LDHA: variants seen among roughly 807,000 people sequenced by gnomAD.
The protein encoded by LDHA is lactate dehydrogenase A.
Under a neutral mutation model 36.3 loss-of-function variants are expected in LDHA, and 10 were observed. The ratio of observed to expected loss-of-function variants is 0.28; its 90% CI spans 0.17 to 0.47. LDHA has a LOEUF of 0.47. Among genes scored for constraint, LDHA ranks in the 20% least tolerant of loss-of-function variants. The probability of loss-of-function intolerance (pLI) is 0.99; values close to 1 mark genes in which losing one functional copy is unlikely to be tolerated. For missense variants in LDHA, 267 were observed against 405.8 expected, an observed-to-expected ratio of 0.66 and a Z score of 2.94; for synonymous variants, 110 against 136.7, an observed-to-expected ratio of 0.80 and a Z score of 1.36.
At chr11:18,404,818 G>C (rs369572326) in intron 6 of LDHA, among the ~76,000 whole-genome samples, 1 of 79,322 alleles carries the variant, frequency 1.3e-5, no homozygotes, top group Non-Finnish European at 3.1e-5. Flanking sequence ...AAAAAAAAAA[G>C]AATCATAATC....
rs1159427443 is a variant in LDHA at position 18,407,453 on chromosome 11, C to T, written c.*172C>T. 3.1e-6 allele frequency: 4 copies of T among 1,293,934 alleles called. No individual in the cohort carries two copies. The highest frequency in any genetic ancestry group is 2.0e-5 in the Admixed American group (1 of 50,720). 80.2% of individuals were successfully genotyped at this position (1,293,934 alleles called of 1,614,324 possible). On this transcript the variant is annotated 3_prime_UTR_variant, in exon 8 of 8. Coordinates refer to ENST00000422447, the MANE Select transcript of LDHA (RefSeq NM_005566.4). ...AAATAAGAATGGTTTGTAAAATCCA[C>T]AGCTATATCCTGATGCTGGATGGTA...
intron 2 of LDHA, 70 bp downstream of exon 2, chr11:18,397,038 G>C (rs1866329281): frequency 7.5e-7 from 1 of 1,332,718 alleles, no homozygotes; most frequent in Non-Finnish European, 1.1e-6. Flanking sequence ...CCTACCCCTA[G>C]AACTGTATTA....
Position 18,408,354 on chromosome 11 carries a change from A to C in LDHA, c.*1073A>C. 2.7e-6 allele frequency: 1 copy of C among 364,620 alleles called. No individual in the cohort carries two copies. Among genetic ancestry groups the C allele is most frequent in the Non-Finnish European group, 5.3e-6 (1 of 187,654 alleles). 22.6% of individuals were successfully genotyped at this position (364,620 alleles called of 1,614,324 possible). The stretch of plus-strand genomic sequence containing the variant: ...TAAAAAAACAAAACAAAACCAAAAA[A>C]AACAAGTAACCTTGGTGGATGTCTA... On this transcript the variant is annotated 3_prime_UTR_variant, in exon 8 of 8. Transcript: ENST00000422447.
At chr11:18,396,211 G>GCTGTAATGCGCATGCGCA in intron 1 of LDHA, 1 of 266,348 alleles carries the variant, frequency 3.8e-6, no homozygotes, top group Non-Finnish European at 7.0e-6. Flanking sequence ...CGCCCTGCGC[G>GCTGTAATGCGCATGCGCA]CTGTAATGCG....
At chr11:18,397,628 G>A (rs759492676) in intron 2 of LDHA, among the ~76,000 whole-genome samples, 6 of 152,106 alleles carry the variant, frequency 3.9e-5, no homozygotes, top group East Asian at 3.9e-4. Context: ...TGGCTAACAC[G>A]ATGAAACCCC....
At position 18,407,632 on chromosome 11, in the gene LDHA, C is replaced by A; in HGVS notation, c.*351C>A. 3.3e-6 allele frequency: 2 copies of A among 613,922 alleles called. No homozygotes were observed. Among genetic ancestry groups the A allele is most frequent in the Middle Eastern group, 4.4e-4 (1 of 2,280 alleles). 38.0% of individuals were successfully genotyped at this position (613,922 alleles called of 1,614,324 possible). A position where few individuals can be genotyped will look rare whatever the true frequency, so the allele number is the denominator to read the frequency against. On this transcript the variant is annotated 3_prime_UTR_variant, in exon 8 of 8. Transcript: ENST00000422447. ...TTCCTGGCTCCTTCACTGAACATGCCTAGTCCAACATTTTTTCCCAGTGAG... is the reference window on the plus strand; with the variant it reads ...TTCCTGGCTCCTTCACTGAACATGCATAGTCCAACATTTTTTCCCAGTGAG...
chr11:18,405,543 C>T lies in LDHA; in HGVS notation c.805C>T (p.Arg269Trp), dbSNP rs559447427. The change falls in exon 7 of 8, where the codon CGG becomes TGG. Residue 269 changes from arginine to tryptophan, a missense_variant. By Grantham distance (101) the Arg-to-Trp change is moderately radical. Transcript: ENST00000422447. ...AGAGAGTATAATGAAGAATCTTAGG[C>T]GGGTGCACCCAGTTTCCACCATGAT... ...LAESIMKNLR[R>W]VHPVSTMIKG... 10 of 1,613,770 alleles carry T rather than the reference C, an allele frequency of 6.2e-6. No individual in the cohort carries two copies. Among genetic ancestry groups the T allele is most frequent in the Middle Eastern group, 1.7e-4 (1 of 6,052 alleles).
At chr11:18,396,286 G>A (rs768057714) in intron 1 of LDHA, 17 of 367,650 alleles carry the variant, frequency 4.6e-5, no homozygotes. Flanking sequence ...CGTAAAAGCC[G>A]GGCGTTCGGA....
In LDHA at chr11:18,407,309, G is replaced by C. The variant is rs756838417; in HGVS notation, c.*28G>C. On this transcript the variant is annotated 3_prime_UTR_variant, in exon 8 of 8. Transcript: ENST00000422447. ...TCTTCTGATGTCATATCATTTCACT[G>C]TCTAGGCTACAACAGGATTCTAGGT... 1.5e-5 allele frequency: 24 copies of C among 1,612,290 alleles called. No homozygotes were observed. The Admixed American group carries it at 1.8e-4, about 12-fold the overall frequency.
intron 2 of LDHA, 92 bp from the exon 3 acceptor site, chr11:18,399,339 C>T (rs1866401522): frequency 2.2e-6 from 2 of 897,848 alleles, no homozygotes; most frequent in East Asian, 2.5e-5. Flanking sequence ...TAACAGAACT[C>T]TCCTATGCCA....
At chr11:18,403,643 A>G in intron 5 of LDHA, 51 bp from the exon 6 acceptor site, 1 of 1,108,502 alleles carries the variant, frequency 9.0e-7, no homozygotes, top group Non-Finnish European at 1.4e-6. Flanking sequence ...AATCACAATT[A>G]CTAATCTGTT....
chr11:18,400,471 ACACACACACAC>A, intron 3 of LDHA: 1 of 232,360 alleles, frequency 4.3e-6, no homozygotes. Flanking sequence ...ACACACACAC[ACACACACACAC>A]GAAATTGCCT....
chr11:18,396,562 A>T (rs1403419521), intron 1 of LDHA: 1 of 1,366,078 alleles, frequency 7.3e-7, no homozygotes, highest in Non-Finnish European at 9.4e-7. Context: ...GTGAACCCTC[A>T]GGAGGCTATA....
chr11:18,404,652 CA>C (rs1306155433), intron 6 of LDHA, among the ~76,000 whole-genome samples: 1 of 151,138 alleles, frequency 6.6e-6, no homozygotes, highest in African/African-American at 2.4e-5. Flanking sequence ...ACTAAAAATA[CA>C]AAAAATTAGC....
chr11:18,402,990 T>C lies in LDHA; in HGVS notation c.569T>C (p.Leu190Pro). 1 of 1,613,648 alleles carries C rather than the reference T, an allele frequency of 6.2e-7. No homozygotes were observed. Among genetic ancestry groups the C allele is most frequent in the South Asian group, 1.1e-5 (1 of 91,076 alleles). The change falls in exon 5 of 8, where the codon CTT (leucine) becomes CCT (proline). Residue 190 changes from leucine (L) to proline (P), a missense_variant. Leu to Pro is a moderately conservative substitution (Grantham distance 98, BLOSUM62 -3). Transcript: ENST00000422447. ...CCATTAAGCTGTCATGGGTGGGTCC[T>C]TGGGGAACATGGAGATTCCAGTGGT... ...VHPLSCHGWV[L>P]GEHGDSSVPV...
At chr11:18,398,180 C>T (rs376797773) in intron 2 of LDHA, among the ~76,000 whole-genome samples, 12 of 152,180 alleles carry the variant, frequency 7.9e-5, no homozygotes, top group Non-Finnish European at 1.8e-4. Context: ...CGATAGACCA[C>T]ATCCAGTTGT....
At chr11:18,405,614 C>A in intron 7 of LDHA, 42 bp downstream of exon 7, 1 of 1,606,172 alleles carries the variant, frequency 6.2e-7, no homozygotes, top group Non-Finnish European at 8.5e-7. Flanking sequence ...ATGCTTTTTG[C>A]TGGCTTTTTA....
intron 4 of LDHA, among the ~76,000 whole-genome samples, chr11:18,401,701 TCTC>T (rs1290063340): frequency 6.0e-5 from 9 of 150,718 alleles, no homozygotes; most frequent in Admixed American, 4.0e-4. Context: ...ATGGTCTCGA[TCTC>T]CTGACCTCGT....
rs750672775 is a variant in LDHA, at chr11:18,399,450, C to T, written c.146C>T (p.Ala49Val). 1 of 1,612,660 alleles carries T rather than the reference C, an allele frequency of 6.2e-7. No homozygotes were observed. The change falls in exon 3 of 8, where the codon GCT becomes GTT. Residue 49 changes from alanine (A) to valine (V), a missense_variant. Ala to Val is a moderately conservative substitution (Grantham distance 64). Coordinates refer to ENST00000422447, the MANE Select transcript of LDHA (RefSeq NM_005566.4). ...ILMKDLADELALVDVIEDKLK... is the reference protein window; with the variant it reads ...ILMKDLADELVLVDVIEDKLK... ...TTTTAGGACTTGGCAGATGAACTTG[C>T]TCTTGTTGATGTCATCGAAGACAAA...
Sources: allele counts gnomAD v4.1 joint callset (sites outside exome capture counted in the v4.1 genomes callset), GRCh38; gene constraint gnomAD v4.1.1; transcripts MANE v1.5; gene names NCBI Gene and HGNC (gene_info 2026-07-23, HGNC 2026-07-21).